Variants in TANK observed in about 807,000 individuals in gnomAD.
TANK encodes TRAF family member associated NFKB activator, also known as TRAF family member-associated NF-kappa-B activator.
Under a neutral mutation model 43.6 loss-of-function variants are expected in TANK, and 15 were observed. The observed-to-expected ratio is 0.34, with a 90% CI of 0.23 to 0.53. The LOEUF (loss-of-function observed/expected upper bound fraction) is 0.53, where lower values mean the gene tolerates loss of function less well. Ranked by LOEUF, TANK falls within the 20% of genes least tolerant of loss-of-function variation. TANK has a pLI of 0.94. For missense variants in TANK, 417 were observed against 498.6 expected, an observed-to-expected ratio of 0.84 and a Z score of 1.56; for synonymous variants, 162 against 178.2, an observed-to-expected ratio of 0.91 and a Z score of 0.73.
At position 161,235,601 on chromosome 2, in the gene TANK, T is replaced by C. The variant is rs1029247988; in HGVS notation, c.*83T>C. 16 of 1,099,242 alleles carry C rather than the reference T, an allele frequency of 1.5e-5. No homozygotes were observed. Among genetic ancestry groups the C allele is most frequent in the Non-Finnish European group, 1.8e-5 (15 of 813,564 alleles). The allele number at this position is 1,099,242 out of a possible 1,614,324, so 68.1% of individuals were successfully genotyped here. A position where few individuals can be genotyped will look rare whatever the true frequency, so the allele number is the denominator to read the frequency against. ...TATAAATACTTGATTGTAAACTAAA[T>C]TCAAGATCATTTATAGGAAAATCTA... is the stretch of plus-strand genomic sequence containing the variant. On this transcript the variant is annotated 3_prime_UTR_variant, in exon 8 of 8. Coordinates refer to ENST00000392749, the MANE Select transcript of TANK (RefSeq NM_001199135.3).
chr2:161,196,815 A>G (rs1686174121), intron 2 of TANK, among the ~76,000 whole-genome samples: 1 of 152,160 alleles, frequency 6.6e-6, no homozygotes, highest in African/African-American at 2.4e-5. Flanking sequence ...TAGGCAGATT[A>G]TTTTGTACCT....
At chr2:161,189,253 A>C (rs1314819442) in intron 2 of TANK, among the ~76,000 whole-genome samples, 1 of 152,224 alleles carries the variant, frequency 6.6e-6, no homozygotes, top group Non-Finnish European at 1.5e-5. Flanking sequence ...GTCATGATAT[A>C]CCATGTAATA....
chr2:161,144,064 A>G (rs1683831658), intron 1 of TANK, among the ~76,000 whole-genome samples: 1 of 152,114 alleles, frequency 6.6e-6, no homozygotes, highest in Admixed American at 6.5e-5. Context: ...CCAGGAATTT[A>G]ACCATTTCTT....
chr2:161,161,621 A>G, intron 1 of TANK: 1 of 741,052 alleles, frequency 1.3e-6, no homozygotes, highest in South Asian at 2.1e-5. Flanking sequence ...GATTATGCAT[A>G]CTGTTCGATA....
At chr2:161,192,057 G>T (rs1296577104) in intron 2 of TANK, among the ~76,000 whole-genome samples, 2 of 152,062 alleles carry the variant, frequency 1.3e-5, no homozygotes, top group African/African-American at 4.8e-5. Context: ...CAAAGTGCTG[G>T]GATTACAGGT....
intron 1 of TANK, among the ~76,000 whole-genome samples, chr2:161,138,608 C>T (rs963426163): frequency 6.6e-6 from 1 of 152,132 alleles, no homozygotes; most frequent in African/African-American, 2.4e-5. Flanking sequence ...TGCCTCCAAG[C>T]AGTTAGCTTC....
At chr2:161,205,331 T>C (rs1470549962) in intron 4 of TANK, among the ~76,000 whole-genome samples, 2 of 151,952 alleles carry the variant, frequency 1.3e-5, no homozygotes, top group Non-Finnish European at 2.9e-5. Flanking sequence ...AATAAATAAA[T>C]AAATGAATTA....
chr2:161,233,644 A>G lies in TANK; in HGVS notation c.1102-1698A>G, dbSNP rs189935864. 5.3e-5 allele frequency among the ~76,000 whole-genome samples: 8 copies of G among 152,238 alleles called. No homozygotes were observed. The East Asian group carries it at 1.4e-3, about 26-fold the overall frequency. On this transcript the variant is annotated intron_variant, in intron 7 of 7. Coordinates refer to ENST00000392749, the MANE Select transcript of TANK (RefSeq NM_001199135.3). Reference sequence around the variant, plus strand: ...GTGGGATCCCAACTAAATTCTATGAAGAGATCAAATCTGAACTAAAAGTTC... The same window carrying G: ...GTGGGATCCCAACTAAATTCTATGAGGAGATCAAATCTGAACTAAAAGTTC...
chr2:161,211,655 G>A (rs1250684455), intron 4 of TANK: 12 of 383,726 alleles, frequency 3.1e-5, no homozygotes, highest in Admixed American at 6.4e-5. Flanking sequence ...AAATGTAATT[G>A]CATGTGTTTG....
intron 4 of TANK, among the ~76,000 whole-genome samples, chr2:161,219,231 A>G (rs937948503): frequency 2.6e-5 from 4 of 152,252 alleles, no homozygotes; most frequent in Non-Finnish European, 4.4e-5. Context: ...TTTCTGAACA[A>G]TATGTTTTAT....
At chr2:161,213,009 T>C (rs958848075) in intron 4 of TANK, among the ~76,000 whole-genome samples, 3 of 152,168 alleles carry the variant, frequency 2.0e-5, no homozygotes, top group Admixed American at 1.3e-4. Context: ...ATTGCAAAGA[T>C]CCCATGATGA....
At chr2:161,167,550 G>A (rs1361445662) in intron 1 of TANK, among the ~76,000 whole-genome samples, 2 of 152,276 alleles carry the variant, frequency 1.3e-5, no homozygotes, top group African/African-American at 4.8e-5. Context: ...AGCTGCCTTG[G>A]ACACACTTCC....
At position 161,235,564 on chromosome 2, in the gene TANK, G is replaced by A. The variant is rs1688139491; in HGVS notation, c.*46G>A. 2 of 1,463,992 alleles carry A rather than the reference G, an allele frequency of 1.4e-6. No individual in the cohort carries two copies. 90.7% of individuals were successfully genotyped at this position (1,463,992 alleles called of 1,614,324 possible). The stretch of plus-strand genomic sequence containing the variant: ...TATCAAGTTCTATGTGATGATTTTG[G>A]GTTTTTAATACTATAAATACTTGAT... On this transcript the variant is annotated 3_prime_UTR_variant, in exon 8 of 8. Coordinates refer to ENST00000392749, the MANE Select transcript of TANK (RefSeq NM_001199135.3).
At chr2:161,193,953 G>A (rs191936417) in intron 2 of TANK, among the ~76,000 whole-genome samples, 1 of 152,252 alleles carries the variant, frequency 6.6e-6, no homozygotes, top group East Asian at 1.9e-4. Context: ...GGCTGACTAC[G>A]CCAAAATTGC....
At chr2:161,192,690 A>G (rs1921310) in intron 2 of TANK, among the ~76,000 whole-genome samples, 22,219 of 152,206 alleles carry the variant, frequency 0.15, 2,247 homozygotes, top group Non-Finnish European at 0.23. Flanking sequence ...CTTCCCTTCA[A>G]CATTTAAATT....
intron 4 of TANK, among the ~76,000 whole-genome samples, chr2:161,210,072 A>T (rs2105356320): frequency 6.6e-6 from 1 of 152,326 alleles, no homozygotes; most frequent in Middle Eastern, 3.4e-3. Context: ...ATGTCAGTTA[A>T]ACAGTTTGCA....
intron 1 of TANK, among the ~76,000 whole-genome samples, chr2:161,152,223 C>T (rs1388749332): frequency 6.6e-6 from 1 of 152,040 alleles, no homozygotes; most frequent in Admixed American, 6.5e-5. Context: ...AATATATTTA[C>T]CTATGTAGTT....
chr2:161,156,104 T>C, upstream of TANK: 1 of 985,374 alleles, frequency 1.0e-6, no homozygotes, highest in Non-Finnish European at 1.2e-6. Context: ...CTGATATATC[T>C]GTGGTTGCCG....
chr2:161,164,215 C>T (rs924177441), intron 1 of TANK, among the ~76,000 whole-genome samples: 7 of 152,152 alleles, frequency 4.6e-5, no homozygotes, highest in African/African-American at 7.2e-5. Context: ...CATAAAGCTT[C>T]GCTATTTCGA....
Sources: allele counts gnomAD v4.1 joint callset (sites outside exome capture counted in the v4.1 genomes callset), GRCh38; gene constraint gnomAD v4.1.1; transcripts MANE v1.5; gene names NCBI Gene and HGNC (gene_info 2026-07-23, HGNC 2026-07-21).